TUBGCP4: variants seen among roughly 807,000 people sequenced by gnomAD.
The protein encoded by TUBGCP4 is tubulin gamma complex component 4, also known as gamma-tubulin complex component 4.
Under a neutral mutation model 91.6 loss-of-function variants are expected in TUBGCP4, and 54 were observed. The observed-to-expected ratio is 0.59, with a 90% CI of 0.47 to 0.74. TUBGCP4 has a LOEUF of 0.74. Among genes scored for constraint, TUBGCP4 ranks in the 30% least tolerant of loss-of-function variants. TUBGCP4 has a pLI of 0.00. For synonymous variants in TUBGCP4, 297 were observed against 302.8 expected (o/e 0.98, Z 0.20); for missense variants, 593 against 800.9 (o/e 0.74, Z 3.13).
intron 9 of TUBGCP4, 99 bp from the exon 10 acceptor site, chr15:43,395,008 G>A: frequency 7.6e-7 from 1 of 1,310,160 alleles, no homozygotes; most frequent in Non-Finnish European, 1.1e-6. Flanking sequence ...GCAAGGTATA[G>A]TCTTCTTTTA....
chr15:43,371,920 T>C (rs980718374), intron 1 of TUBGCP4, among the ~76,000 whole-genome samples: 1 of 152,160 alleles, frequency 6.6e-6, no homozygotes, highest in African/African-American at 2.4e-5. Flanking sequence ...GTAAAGCACT[T>C]GGTAGGGGGC....
Position 43,376,502 on chromosome 15 carries a change from G to A in TUBGCP4, c.208-1G>A. ...GTTGGCTTCTGTTTGTTTGATTTCA[G>A]GATCACCATCCATCTCAACAGGGCC... On this transcript the variant is annotated splice_acceptor_variant, in intron 2 of 17. Coordinates refer to ENST00000564079, the MANE Select transcript of TUBGCP4 (RefSeq NM_014444.5). LOFTEE classifies it high-confidence loss of function. 6.2e-7 allele frequency: 1 copy of A among 1,614,134 alleles called. No individual in the cohort carries two copies. The highest frequency in any genetic ancestry group is 8.5e-7 in the Non-Finnish European group (1 of 1,180,030).
At chr15:43,377,625 AAAAG>A (rs1239325391) in intron 4 of TUBGCP4, 11 of 478,000 alleles carry the variant, frequency 2.3e-5, no homozygotes, top group African/African-American at 1.5e-4. Flanking sequence ...AAAAAAAAAA[AAAAG>A]AAAAAAGAAA....
At chr15:43,402,925 G>A (rs1176680324) in intron 15 of TUBGCP4, 3 of 152,200 alleles carry the variant, frequency 2.0e-5, no homozygotes, top group African/African-American at 7.2e-5. Context: ...TGCTGTACCA[G>A]GAAGAGTAAG....
intron 7 of TUBGCP4, among the ~76,000 whole-genome samples, chr15:43,385,068 A>AT (rs2044334535): frequency 6.6e-6 from 1 of 152,168 alleles, no homozygotes; most frequent in Admixed American, 6.5e-5. Flanking sequence ...ATAGGGGTGT[A>AT]TACTGCTGGT....
intron 14 of TUBGCP4, among the ~76,000 whole-genome samples, chr15:43,401,308 A>G (rs918787722): frequency 3.3e-5 from 5 of 151,986 alleles, no homozygotes; most frequent in African/African-American, 1.2e-4. Flanking sequence ...AAAATTAGCC[A>G]TGCGTGGTAG....
intron 9 of TUBGCP4, among the ~76,000 whole-genome samples, chr15:43,387,797 A>T (rs544517323): frequency 2.2e-4 from 33 of 152,104 alleles, no homozygotes; most frequent in Admixed American, 2.1e-3. Context: ...ACTTGCACCA[A>T]GTCCTTACTT....
intron 11 of TUBGCP4, among the ~76,000 whole-genome samples, chr15:43,396,657 G>A (rs554840251): frequency 6.6e-6 from 1 of 152,276 alleles, no homozygotes; most frequent in South Asian, 2.1e-4. Flanking sequence ...GACGTATGAT[G>A]GTTTTCGGCT....
chr15:43,401,047 A>G (rs1242912520), intron 14 of TUBGCP4, among the ~76,000 whole-genome samples: 1 of 152,050 alleles, frequency 6.6e-6, no homozygotes, highest in Non-Finnish European at 1.5e-5. Flanking sequence ...TCAACAATCT[A>G]TTATTTATTG....
At chr15:43,377,423 G>A (rs1475805362) in intron 4 of TUBGCP4, among the ~76,000 whole-genome samples, 6 of 152,022 alleles carry the variant, frequency 3.9e-5, no homozygotes. Context: ...AGGTGTTGGA[G>A]ACCAGCCTGG....
At chr15:43,387,058 G>T (rs937839065) in intron 9 of TUBGCP4, among the ~76,000 whole-genome samples, 11 of 152,206 alleles carry the variant, frequency 7.2e-5, no homozygotes, top group African/African-American at 2.2e-4. Flanking sequence ...TTTGTGTCTT[G>T]TAGTTTAGTA....
Position 43,403,621 on chromosome 15 carries a change from C to A in TUBGCP4, c.1732-62C>A, listed in dbSNP as rs2142895528. The A allele has an allele frequency of 4.9e-6, 6 of 1,226,512 alleles. 1 individual carries two copies. In the Admixed American group the frequency reaches 8.8e-5, roughly 18 times the overall value. The allele number at this position is 1,226,512 out of a possible 1,614,324, so 76.0% of individuals were successfully genotyped here. On this transcript the variant is annotated intron_variant, in intron 15 of 17. Transcript: ENST00000564079. ...GCTATTAATCAGACTGTTCTCCTAACACTTTAACTTCATGGATGTACCTTC... is the reference window on the plus strand; with the variant it reads ...GCTATTAATCAGACTGTTCTCCTAAAACTTTAACTTCATGGATGTACCTTC...
intron 10 of TUBGCP4, 150 bp downstream of exon 10, chr15:43,395,307 GC>G: frequency 1.2e-6 from 1 of 827,384 alleles, no homozygotes; most frequent in Non-Finnish European, 2.0e-6. Context: ...TATACCTAAT[GC>G]CACAAATCTA....
chr15:43,409,303 A>G lies in TUBGCP4; in HGVS notation c.*4089A>G. On this transcript the variant is annotated 3_prime_UTR_variant, in exon 18 of 18. Coordinates refer to ENST00000564079, the MANE Select transcript of TUBGCP4 (RefSeq NM_014444.5). Reference sequence around the variant, plus strand: ...GTTCTCTCTGCCTCACCTGCAGCATACTGAGGACCTAAATCCTCAACGGAC... The same window carrying G: ...GTTCTCTCTGCCTCACCTGCAGCATGCTGAGGACCTAAATCCTCAACGGAC... 1.7e-6 allele frequency: 1 copy of G among 600,482 alleles called. No individual in the cohort carries two copies. Among genetic ancestry groups the G allele is most frequent in the South Asian group, 2.1e-5 (1 of 48,656 alleles). 37.2% of individuals were successfully genotyped at this position (600,482 alleles called of 1,614,324 possible). A position where few individuals can be genotyped will look rare whatever the true frequency, so the allele number is the denominator to read the frequency against.
chr15:43,394,959 T>C, intron 9 of TUBGCP4, 148 bp from the exon 10 acceptor site: 1 of 790,886 alleles, frequency 1.3e-6, no homozygotes, highest in Non-Finnish European at 2.2e-6. Context: ...GAGAATGGAA[T>C]AATACATTGA....
chr15:43,401,406 C>T (rs1435371511), intron 14 of TUBGCP4, among the ~76,000 whole-genome samples: 2 of 147,554 alleles, frequency 1.4e-5, no homozygotes, highest in Non-Finnish European at 1.5e-5. Context: ...GAGCCAGGAT[C>T]GCACCACTGC....
intron 9 of TUBGCP4, among the ~76,000 whole-genome samples, chr15:43,387,528 C>T (rs1237643278): frequency 2.6e-5 from 4 of 151,426 alleles, no homozygotes; most frequent in Non-Finnish European, 5.9e-5. Flanking sequence ...ATGGTGTGAT[C>T]TCGGCTCACT....
intron 16 of TUBGCP4, 113 bp downstream of exon 16, chr15:43,403,912 G>A (rs1166144532): frequency 1.1e-5 from 8 of 724,606 alleles, no homozygotes; most frequent in South Asian, 4.9e-5. Flanking sequence ...ATACACACAC[G>A]TACAGAGATA....
chr15:43,397,150 T>G (rs943163509), intron 11 of TUBGCP4, 64 bp from the exon 12 acceptor site: 10 of 1,141,208 alleles, frequency 8.8e-6, no homozygotes, highest in African/African-American at 1.5e-5. Context: ...AGTGGAAAGC[T>G]GGAGGAGTCT....
Sources: allele counts gnomAD v4.1 joint callset (sites outside exome capture counted in the v4.1 genomes callset), GRCh38; gene constraint gnomAD v4.1.1; transcripts MANE v1.5; gene names NCBI Gene and HGNC (gene_info 2026-07-23, HGNC 2026-07-21).